GNG4: variants seen among roughly 807,000 people sequenced by gnomAD.
The protein encoded by GNG4 is G protein subunit gamma 4.
GNG4 carries 4 observed loss-of-function variants against 5.8 expected under a neutral mutation model. The ratio of observed to expected loss-of-function variants is 0.69; its 90% CI spans 0.34 to 1.57. The LOEUF (loss-of-function observed/expected upper bound fraction) is 1.57. Ranked by LOEUF, GNG4 falls within the 40% of genes most tolerant of loss-of-function variation. The probability of loss-of-function intolerance (pLI) is 0.06; values close to 1 mark genes in which losing one functional copy is unlikely to be tolerated. For synonymous variants in GNG4, 29 were observed against 32.9 expected (o/e 0.88, Z 0.41); for missense variants, 96 against 95.1 (o/e 1.01, Z -0.04).
Position 235,642,532 on chromosome 1 carries a change from G to A in GNG4, c.-123+7130C>T, listed in dbSNP as rs1175806749. Among the ~76,000 whole-genome samples the A allele has an allele frequency of 6.6e-6, 1 of 151,946 alleles. No homozygotes were observed. The highest frequency in any genetic ancestry group is 1.5e-5 in the Non-Finnish European group (1 of 67,980). On this transcript the variant is annotated intron_variant, in intron 1 of 3. Transcript: ENST00000391854. The surrounding 1 kb of genome is among the most constrained non-coding windows in gnomAD (Gnocchi z 4.3). ...GGCAGGATGCAACTGCTTCAACGCA[G>A]AAAGAATGAGTCATCCAGGAAGGCG...
At chr1:235,624,937 G>A (rs1225542546) in intron 1 of GNG4, among the ~76,000 whole-genome samples, 1 of 152,170 alleles carries the variant, frequency 6.6e-6, no homozygotes, top group Non-Finnish European at 1.5e-5. Context: ...CTGACTTTCT[G>A]GAACGTGGGG....
At chr1:235,605,936 AT>A (rs548806959) in intron 1 of GNG4, among the ~76,000 whole-genome samples, 5 of 121,216 alleles carry the variant, frequency 4.1e-5, no homozygotes, top group African/African-American at 1.6e-4. Flanking sequence ...GTTACATTTT[AT>A]TTTTTTGATT....
intron 2 of GNG4, among the ~76,000 whole-genome samples, chr1:235,594,658 T>C (rs1465389682): frequency 6.6e-6 from 1 of 152,164 alleles, no homozygotes; most frequent in Non-Finnish European, 1.5e-5. Flanking sequence ...GCCCGGGGCT[T>C]GCGGGCCGGC....
At position 235,624,263 on chromosome 1, in the gene GNG4, C is replaced by T. The variant is rs570261986; in HGVS notation, c.-123+25399G>A. On this transcript the variant is annotated intron_variant, in intron 1 of 3. Coordinates refer to ENST00000391854, the MANE Select transcript of GNG4 (RefSeq NM_001098722.2). Reference sequence around the variant, plus strand: ...GATTACAGCCACGCACCACCACGCCCGGCTAATTTTTGTATTTTTTTTTTT... The same window carrying T: ...GATTACAGCCACGCACCACCACGCCTGGCTAATTTTTGTATTTTTTTTTTT... 1.2e-3 allele frequency among the ~76,000 whole-genome samples: 178 copies of T among 151,922 alleles called. 1 individual carries two copies. Among genetic ancestry groups the T allele is most frequent in the South Asian group, 3.8e-3 (18 of 4,794 alleles).
rs1345128288 is a variant in GNG4, at chr1:235,599,314, TG to T, written c.-122-3804del. Among the ~76,000 whole-genome samples the T allele has an allele frequency of 2.3e-5, 3 of 127,936 alleles. No individual in the cohort carries two copies. The East Asian group carries it at 6.1e-4, about 26-fold the overall frequency. 83.9% of individuals were successfully genotyped at this position (127,936 alleles called of 152,430 possible). ...TTTTTTGTTGTCGTTGTTTGTTTTT[TG>T]GTTTGTTTTTTTTTTTTTTGAGACA... On this transcript the variant is annotated intron_variant, in intron 1 of 3. Transcript: ENST00000391854.
intron 3 of GNG4, among the ~76,000 whole-genome samples, chr1:235,553,079 G>C (rs1018130542): frequency 3.3e-5 from 5 of 152,094 alleles, no homozygotes; most frequent in African/African-American, 1.2e-4. Flanking sequence ...TTTTAACTTG[G>C]AGTGGCCACT....
intron 2 of GNG4, among the ~76,000 whole-genome samples, chr1:235,591,938 C>T (rs996324455): frequency 4.6e-5 from 7 of 152,200 alleles, no homozygotes; most frequent in Admixed American, 2.6e-4. Flanking sequence ...TCTTGAGTTC[C>T]TTCAAGGGAA....
intron 3 of GNG4, among the ~76,000 whole-genome samples, chr1:235,579,633 C>T (rs1000911200): frequency 2.6e-5 from 4 of 151,800 alleles, no homozygotes; most frequent in African/African-American, 9.7e-5. Context: ...GGCAGATTAC[C>T]TGAGGTCAGG....
chr1:235,596,888 A>G (rs1013750617), intron 1 of GNG4, among the ~76,000 whole-genome samples: 1 of 151,552 alleles, frequency 6.6e-6, no homozygotes, highest in Non-Finnish European at 1.5e-5. Context: ...ATGCCTGGCT[A>G]ATTTTTACTT....
At chr1:235,622,300 G>A (rs1167610350) in intron 1 of GNG4, among the ~76,000 whole-genome samples, 4 of 152,192 alleles carry the variant, frequency 2.6e-5, no homozygotes, top group African/African-American at 9.7e-5. Flanking sequence ...GCAACTCCAA[G>A]AGACGTGAGT....
rs1034975783 is a variant in GNG4, at chr1:235,595,949, C to T, written c.-122-438G>A. On this transcript the variant is annotated intron_variant, in intron 1 of 3. Coordinates refer to ENST00000391854, the MANE Select transcript of GNG4 (RefSeq NM_001098722.2). Reference sequence around the variant, plus strand: ...CAGCACTTTGGGAGGCCGAGGCGGGCGGATCACGAGGTCAGGAGATCGAGA... The same window carrying T: ...CAGCACTTTGGGAGGCCGAGGCGGGTGGATCACGAGGTCAGGAGATCGAGA... Among the ~76,000 whole-genome samples, 19 of 151,428 alleles carry T rather than the reference C, an allele frequency of 1.3e-4. 1 individual carries two copies. Among genetic ancestry groups the T allele is most frequent in the Non-Finnish European group, 2.5e-4 (17 of 67,832 alleles).
chr1:235,617,208 CTCT>C (rs766285806), intron 1 of GNG4, among the ~76,000 whole-genome samples: 29 of 152,156 alleles, frequency 1.9e-4, no homozygotes, highest in Non-Finnish European at 3.4e-4. Flanking sequence ...ACAGGTTCAC[CTCT>C]TCTTACAGAG....
intron 1 of GNG4, among the ~76,000 whole-genome samples, chr1:235,614,146 T>C (rs1688539213): frequency 6.6e-6 from 1 of 152,194 alleles, no homozygotes; most frequent in African/African-American, 2.4e-5. Flanking sequence ...GATCTTTGGT[T>C]GTTTGTGTTT....
chr1:235,583,368 T>C (rs1687687116), intron 3 of GNG4, among the ~76,000 whole-genome samples: 1 of 152,218 alleles, frequency 6.6e-6, no homozygotes. Flanking sequence ...ACAATAATCC[T>C]GTCAAAATAT....
chr1:235,602,438 C>G (rs552748588), intron 1 of GNG4, among the ~76,000 whole-genome samples: 3 of 152,156 alleles, frequency 2.0e-5, no homozygotes, highest in African/African-American at 4.8e-5. Flanking sequence ...TGAGCGGCCC[C>G]GTTAGCCTGG....
chr1:235,613,232 A>T (rs1688518804), intron 1 of GNG4, among the ~76,000 whole-genome samples: 1 of 152,154 alleles, frequency 6.6e-6, no homozygotes, highest in Non-Finnish European at 1.5e-5. Context: ...TCCATATGTA[A>T]TTCACCAGTC....
At chr1:235,611,754 G>T (rs1309640862) in intron 1 of GNG4, among the ~76,000 whole-genome samples, 2 of 152,142 alleles carry the variant, frequency 1.3e-5, no homozygotes, top group African/African-American at 4.8e-5. Context: ...GGTTGCCTGA[G>T]CATTGCCAGT....
chr1:235,632,802 T>G (rs1053531762), intron 1 of GNG4, among the ~76,000 whole-genome samples: 6 of 152,162 alleles, frequency 3.9e-5, no homozygotes, highest in African/African-American at 1.4e-4. Flanking sequence ...ACTTAATGGC[T>G]CGATTCTGAA....
chr1:235,632,956 C>T (rs1024359302), intron 1 of GNG4, among the ~76,000 whole-genome samples: 2 of 152,174 alleles, frequency 1.3e-5, no homozygotes, highest in Non-Finnish European at 2.9e-5. Flanking sequence ...CTGTCACCCA[C>T]GGACACTGCT....
Sources: gnomAD v4.1 joint callset for allele counts (sites outside exome capture counted in the v4.1 genomes callset) on GRCh38, gnomAD v4.1.1 for gene constraint, Gnocchi (gnomAD v3.1) non-coding constraint, MANE v1.5 for transcripts, NCBI Gene and HGNC (gene_info 2026-07-23, HGNC 2026-07-21) for gene names.